Variants in SLC43A3 observed in about 807,000 individuals in gnomAD.
The protein encoded by SLC43A3 is solute carrier family 43 member 3.
Under a neutral mutation model 53.3 loss-of-function variants are expected in SLC43A3, and 33 were observed. The observed-to-expected ratio is 0.62, with a 90% confidence interval of 0.47 to 0.83. The LOEUF is 0.83. Ranked by LOEUF, SLC43A3 falls within the 40% of genes least tolerant of loss-of-function variation. The pLI, the probability that SLC43A3 is intolerant of heterozygous loss-of-function variation, is 0.00. For missense variants in SLC43A3, 530 were observed against 610.0 expected, an observed-to-expected ratio of 0.87 and a Z score of 1.38; for synonymous variants, 236 against 246.2, an observed-to-expected ratio of 0.96 and a Z score of 0.39.
At position 57,426,023 on chromosome 11, in the gene SLC43A3, A is replaced by G. The variant is rs1943189194; in HGVS notation, c.150T>C (p.Asp50=). The G allele has an allele frequency of 1.2e-6, 2 of 1,614,260 alleles. No homozygotes were observed. Among genetic ancestry groups the G allele is most frequent in the Non-Finnish European group, 1.7e-6 (2 of 1,180,046 alleles). Residue 50 remains aspartate (D), a synonymous_variant, in exon 3 of 14, where the codon GAT becomes GAC. Coordinates refer to ENST00000395124, the MANE Select transcript of SLC43A3 (RefSeq NM_199329.3). ...EDYFKDLCGP[D]AGPIGNATGQ... Reference sequence around the variant, plus strand: ...CTGTGGCATTGCCAATCGGCCCAGCATCTGGTCCACACAGATCCTTAAAGT... The same window carrying G: ...CTGTGGCATTGCCAATCGGCCCAGCGTCTGGTCCACACAGATCCTTAAAGT...
chr11:57,425,891 T>C lies in SLC43A3; in HGVS notation c.184+98A>G, dbSNP rs1321659766. 5.8e-6 allele frequency: 8 copies of C among 1,388,126 alleles called. No homozygotes were observed. The South Asian group carries it at 7.8e-5, about 13-fold the overall frequency. 86.0% of individuals were successfully genotyped at this position (1,388,126 alleles called of 1,614,324 possible). A position where few individuals can be genotyped will look rare whatever the true frequency, so the allele number is the denominator to read the frequency against. On this transcript the variant is annotated intron_variant, in intron 3 of 13. Transcript: ENST00000395124. ...GAGCTGCTGACCCTTCCTCTCATCA[T>C]AGAAAGAGGGGTGGGCAGGGGGCAG...
rs547789401 is a variant in SLC43A3 at position 57,415,273 on chromosome 11, C to T, written c.770-167G>A. 4.4e-5 allele frequency: 68 copies of T among 1,532,664 alleles called. 1 individual carries two copies. The highest frequency in any genetic ancestry group is 5.8e-5 in the Non-Finnish European group (66 of 1,144,604). The allele number at this position is 1,532,664 out of a possible 1,614,324, so 94.9% of individuals were successfully genotyped here. A position where few individuals can be genotyped will look rare whatever the true frequency, so the allele number is the denominator to read the frequency against. On this transcript the variant is annotated intron_variant, in intron 9 of 13. Transcript: ENST00000395124. ...CACCTGCCTCGGACTCACACATCCC[C>T]ACCTCCCTGCTTTGTCATGCTGGCC...
chr11:57,425,320 G>C (rs1163554390), intron 4 of SLC43A3, among the ~76,000 whole-genome samples: 2 of 152,224 alleles, frequency 1.3e-5, no homozygotes, highest in Admixed American at 6.5e-5. Flanking sequence ...GCAGAGCAGG[G>C]AACGAGGTAA....
rs752588393 is a variant in SLC43A3, at chr11:57,414,693, C to T, written c.982G>A (p.Gly328Arg). The T allele has an allele frequency of 4.3e-6, 7 of 1,613,992 alleles. No homozygotes were observed. The highest frequency in any genetic ancestry group is 3.3e-5 in the Admixed American group (2 of 59,994). ...CCATTCCAGGGGGCACACAGCACTC[C>T]GAACTGAGTGAAGGCAAAGGCATTT... The part of the protein sequence containing the change: ...YTNAFAFTQF[G>R]VLCAPWNGLL... The change falls in exon 11 of 14, where the codon GGA becomes AGA. Residue 328 changes from glycine to arginine, a missense_variant. Transcript: ENST00000395124.
In SLC43A3 at chr11:57,414,750, G is replaced by A. The variant is rs1008862607; in HGVS notation, c.944-19C>T. ...GTGCTGACTGCAGAAGGAAGAGAGA[G>A]GTTGGTTGATGAGAAGTTTCCAAAA... On this transcript the variant is annotated intron_variant, in intron 10 of 13. Coordinates refer to ENST00000395124, the MANE Select transcript of SLC43A3 (RefSeq NM_199329.3). The A allele has an allele frequency of 6.2e-7, 1 of 1,602,148 alleles. No individual in the cohort carries two copies. The highest frequency in any genetic ancestry group is 8.6e-7 in the Non-Finnish European group (1 of 1,169,308).
rs377484201 is a variant in SLC43A3 at position 57,407,813 on chromosome 11, T to A, written c.1455A>T (p.Glu485Asp). ...TGAACTATGCAATTGCAGAGGGACTTTCTTTCCAAGTACGGCATTCCCGAT... is the reference window on the plus strand; with the variant it reads ...TGAACTATGCAATTGCAGAGGGACTATCTTTCCAAGTACGGCATTCCCGAT... ...LVYRECRTWK[E>D]SPSAIA The change falls in exon 14 of 14, where the codon GAA becomes GAT. Residue 485 changes from glutamate (E) to aspartate (D), a missense_variant. Physicochemically the swap from Glu to Asp is conservative, Grantham distance 45. Around this residue, in one of 3 missense-constraint regions of SLC43A3, gnomAD observed 124 missense variants for 166.4 expected, o/e 0.75. Coordinates refer to ENST00000395124, the MANE Select transcript of SLC43A3 (RefSeq NM_199329.3). 2.4e-5 allele frequency: 38 copies of A among 1,611,946 alleles called. No homozygotes were observed. The highest frequency in any genetic ancestry group is 5.3e-5 in the African/African-American group (4 of 74,858).
intron 11 of SLC43A3, among the ~76,000 whole-genome samples, chr11:57,411,527 T>C (rs990498218): frequency 1.4e-5 from 2 of 141,998 alleles, no homozygotes; most frequent in Non-Finnish European, 3.0e-5. Flanking sequence ...TAGCCAGACA[T>C]GGTAGTGCAT....
intron 11 of SLC43A3, 127 bp downstream of exon 11, chr11:57,414,488 C>T (rs535323841): frequency 4.0e-5 from 22 of 556,886 alleles, no homozygotes; most frequent in Non-Finnish European, 6.1e-5. Flanking sequence ...GCCTGGGCAA[C>T]AGAGTAAGAC....
At chr11:57,408,069 T>C in intron 13 of SLC43A3, 173 bp from the exon 14 acceptor site, 1 of 570,198 alleles carries the variant, frequency 1.8e-6, no homozygotes, top group South Asian at 2.1e-5. Context: ...GGACTTTCAG[T>C]TACTTTTCAT....
At chr11:57,415,326 C>T in intron 9 of SLC43A3, 2 of 1,514,738 alleles carry the variant, frequency 1.3e-6, no homozygotes, top group Non-Finnish European at 1.8e-6. Context: ...CCTCTGTGTT[C>T]TTCTCTATTG....
At chr11:57,427,206 C>G (rs1943231780), upstream of SLC43A3, 1 of 152,750 alleles carries the variant, frequency 6.5e-6, no homozygotes. Context: ...CTCCCACTCT[C>G]CATCACTTCC....
chr11:57,423,828 A>G (rs1384447942), intron 5 of SLC43A3, 154 bp downstream of exon 5: 2 of 643,858 alleles, frequency 3.1e-6, no homozygotes, highest in Non-Finnish European at 5.5e-6. Flanking sequence ...ACAGACCAGC[A>G]ATAGCTCAAG....
At chr11:57,422,040 T>G (rs1943012235) in intron 5 of SLC43A3, among the ~76,000 whole-genome samples, 1 of 152,268 alleles carries the variant, frequency 6.6e-6, no homozygotes, top group Middle Eastern at 3.4e-3. Context: ...GCAAAAAAGC[T>G]CAAGAGCTGG....
chr11:57,422,478 C>T (rs1218803727), intron 5 of SLC43A3, among the ~76,000 whole-genome samples: 1 of 152,180 alleles, frequency 6.6e-6, no homozygotes, highest in African/African-American at 2.4e-5. Context: ...TAGTGTAGTT[C>T]ACGTAGTATG....
At chr11:57,413,990 G>A (rs1037992383) in intron 11 of SLC43A3, among the ~76,000 whole-genome samples, 7 of 152,168 alleles carry the variant, frequency 4.6e-5, no homozygotes, top group Admixed American at 3.9e-4. Context: ...CAGATTATGT[G>A]CGCTTCTTTG....
chr11:57,409,714 G>GA (rs1207632650), intron 12 of SLC43A3, among the ~76,000 whole-genome samples: 1 of 152,246 alleles, frequency 6.6e-6, no homozygotes, highest in Non-Finnish European at 1.5e-5. Flanking sequence ...TCACCAGGTA[G>GA]AAAACAGAGG....
intron 10 of SLC43A3, 72 bp from the exon 11 acceptor site, chr11:57,414,803 C>A (rs1409822226): frequency 4.6e-6 from 7 of 1,524,640 alleles, no homozygotes; most frequent in Non-Finnish European, 6.4e-6. Context: ...ACTCTCCCAC[C>A]TTACCCTTGT....
At position 57,407,506 on chromosome 11, in the gene SLC43A3, C is replaced by A. The variant is rs73474695; in HGVS notation, c.*286G>T. 3.1e-3 allele frequency: 1,010 copies of A among 329,862 alleles called. 7 individuals carry two copies. The highest frequency in any genetic ancestry group is 0.02 in the African/African-American group (967 of 47,522). 20.4% of individuals were successfully genotyped at this position (329,862 alleles called of 1,614,324 possible). On this transcript the variant is annotated 3_prime_UTR_variant, in exon 14 of 14. Transcript: ENST00000395124. ...CACACTTCCTCCCCCAGGTCATCTC[C>A]CCTGGAGTCAAGGGTCTGCCAAGGC...
At chr11:57,410,987 G>A (rs1052888234) in intron 11 of SLC43A3, among the ~76,000 whole-genome samples, 1 of 152,144 alleles carries the variant, frequency 6.6e-6, no homozygotes, top group African/African-American at 2.4e-5. Context: ...ATGTGGAACT[G>A]TAAGTCCAAT....
Sources: allele counts gnomAD v4.1 joint callset (sites outside exome capture counted in the v4.1 genomes callset), GRCh38; gene constraint gnomAD v4.1.1; regional missense constraint gnomAD v4.1.1; transcripts MANE v1.5; gene names NCBI Gene and HGNC (gene_info 2026-07-23, HGNC 2026-07-21).